The following CACNA2D4 variants were observed in gnomAD, a reference collection of about 807,000 sequenced individuals.
The protein encoded by CACNA2D4 is calcium voltage-gated channel auxiliary subunit alpha2delta 4, also known as voltage-dependent calcium channel subunit alpha-2/delta-4.
A neutral mutation model predicts 163.8 loss-of-function variants in CACNA2D4; 157 were observed. That is an observed-to-expected ratio of 0.96 (90% CI 0.84 to 1.09). CACNA2D4 has a LOEUF of 1.09. Ranked by LOEUF, CACNA2D4 falls within the 50% of genes least tolerant of loss-of-function variation. The probability of loss-of-function intolerance (pLI) is 0.00; values close to 1 mark genes in which losing one functional copy is unlikely to be tolerated. For missense variants in CACNA2D4, 1,410 were observed against 1,479.9 expected (o/e 0.95, Z 0.78); for synonymous variants, 598 against 586.9 (o/e 1.02, Z -0.27).
At position 1,918,526 on chromosome 12, in the gene CACNA2D4, C is replaced by G; in HGVS notation, c.-53G>C. The G allele has an allele frequency of 2.7e-6, 4 of 1,457,928 alleles. No homozygotes were observed. Among genetic ancestry groups the G allele is most frequent in the Non-Finnish European group, 3.7e-6 (4 of 1,072,986 alleles). The allele number at this position is 1,457,928 out of a possible 1,614,324, so 90.3% of individuals were successfully genotyped here. A position where few individuals can be genotyped will look rare whatever the true frequency, so the allele number is the denominator to read the frequency against. On this transcript the variant is annotated 5_prime_UTR_variant, in exon 1 of 38. Coordinates refer to ENST00000382722, the MANE Select transcript of CACNA2D4 (RefSeq NM_172364.5). ...CCAGGACGCCCCAGGCCTTTGTCTT[C>G]CGTGCCTTGGCGAGCCTGGGGTCTC...
rs4766424 is a variant in CACNA2D4 at position 1,844,930 on chromosome 12, C to G, written c.2343-401G>C. On this transcript the variant is annotated intron_variant, in intron 24 of 37. Coordinates refer to ENST00000382722, the MANE Select transcript of CACNA2D4 (RefSeq NM_172364.5). This position sits in a 1 kb window ranked among gnomAD's most constrained non-coding sequence, Gnocchi z 4.2. The stretch of plus-strand genomic sequence containing the variant: ...CAATCCCCCCAAATGGTTCCTTCAA[C>G]AGGATTGCCTCTAGGTTTTTGCATA... 0.9 allele frequency among the ~76,000 whole-genome samples: 136,845 copies of G among 152,224 alleles called. 61,624 individuals are homozygous for G. The highest frequency in any genetic ancestry group is 1 in the East Asian group (5,174 of 5,176).
chr12:1,813,066 A>G (rs1863761761), intron 26 of CACNA2D4, among the ~76,000 whole-genome samples: 1 of 152,114 alleles, frequency 6.6e-6, no homozygotes, highest in Non-Finnish European at 1.5e-5. Context: ...CCAGCCCTGC[A>G]TTTTCCAGGG....
Position 1,793,657 on chromosome 12 carries a change from A to C in CACNA2D4, c.3412T>G (p.Ter1138GlyextTer5), listed in dbSNP as rs1222632349. Residue 1138 changes from the stop codon to glycine, a stop_lost, in exon 38 of 38, where the codon TGA becomes GGA. Transcript: ENST00000382722. ...AWGLLPQLLR[*>G] The stretch of plus-strand genomic sequence containing the variant: ...AACACAGGTCAGGCTGGGTGGTGTC[A>C]CCGCAGGAGTTGGGGCAGTAGCCCC... 3.7e-6 allele frequency: 6 copies of C among 1,613,374 alleles called. No homozygotes were observed. The African/African-American group carries it at 4.0e-5, about 11-fold the overall frequency.
chr12:1,875,711 T>C lies in CACNA2D4; in HGVS notation c.1720-374A>G, dbSNP rs1027271550. On this transcript the variant is annotated intron_variant, in intron 16 of 37. Transcript: ENST00000382722. The surrounding 1 kb of genome is among the most constrained non-coding windows in gnomAD (Gnocchi z 4.0). ...CTTCCTTCTTTCCCCTGGAGCTGCA[T>C]AGAATGTGTTCCACCTGACAGCCCC... Among the ~76,000 whole-genome samples, 1 of 152,242 alleles carries C rather than the reference T, an allele frequency of 6.6e-6. No homozygotes were observed. The highest frequency in any genetic ancestry group is 2.4e-5 in the African/African-American group (1 of 41,458).
chr12:1,909,847 C>T, intron 4 of CACNA2D4, 59 bp downstream of exon 4: 3 of 1,484,204 alleles, frequency 2.0e-6, no homozygotes, highest in Non-Finnish European at 2.8e-6. Context: ...CCGCCACCCC[C>T]ATATCTGGTA....
chr12:1,916,424 T>C (rs1866981765), intron 1 of CACNA2D4, among the ~76,000 whole-genome samples: 1 of 152,130 alleles, frequency 6.6e-6, no homozygotes, highest in African/African-American at 2.4e-5. Context: ...GGTATGTGTC[T>C]AGTAGGTAGA....
In CACNA2D4 at chr12:1,828,074, A is replaced by G; in HGVS notation, c.2551+12665T>C. The G allele has an allele frequency of 7.2e-7, 1 of 1,385,990 alleles. No individual in the cohort carries two copies. The highest frequency in any genetic ancestry group is 9.6e-7 in the Non-Finnish European group (1 of 1,046,540). The allele number at this position is 1,385,990 out of a possible 1,614,324, so 85.9% of individuals were successfully genotyped here. ...TGTGCTCAGTGCTCCTCCCTCCCTCAGGACTGACAGGCGGCGCACCCAGGG... is the reference window on the plus strand; with the variant it reads ...TGTGCTCAGTGCTCCTCCCTCCCTCGGGACTGACAGGCGGCGCACCCAGGG... On this transcript the variant is annotated intron_variant, in intron 26 of 37. Transcript: ENST00000382722. This position sits in a 1 kb window ranked among gnomAD's most constrained non-coding sequence, Gnocchi z 4.2.
intron 26 of CACNA2D4, among the ~76,000 whole-genome samples, chr12:1,817,633 G>A (rs984979400): frequency 2.0e-4 from 31 of 152,182 alleles, no homozygotes; most frequent in African/African-American, 6.5e-4. Flanking sequence ...GCAGGCGTGC[G>A]CCGCCACGCC....
rs185468296 is a variant in CACNA2D4 at position 1,880,063 on chromosome 12, A to C, written c.1486-182T>G. On this transcript the variant is annotated intron_variant, in intron 13 of 37. Transcript: ENST00000382722. ...TCTCTGCAAAAGGAGAGTTGGCAGG[A>C]ATGCTGGGGGCCAGAAGTGGACTGG... 5.6e-4 allele frequency among the ~76,000 whole-genome samples: 85 copies of C among 152,336 alleles called. 1 individual carries two copies. Among genetic ancestry groups the C allele is most frequent in the Admixed American group, 2.4e-3 (36 of 15,312 alleles).
intron 20 of CACNA2D4, among the ~76,000 whole-genome samples, chr12:1,857,473 GT>G (rs1865425075): frequency 6.6e-6 from 1 of 152,224 alleles, no homozygotes; most frequent in Non-Finnish European, 1.5e-5. Context: ...GGAAGCTACT[GT>G]GGTTGTCCAC....
At chr12:1,805,049 G>A (rs939610870) in intron 29 of CACNA2D4, among the ~76,000 whole-genome samples, 7 of 152,172 alleles carry the variant, frequency 4.6e-5, no homozygotes, top group Non-Finnish European at 1.0e-4. Context: ...ACCGCCCGTG[G>A]AGTGGCACCC....
In CACNA2D4 at chr12:1,868,486, C is replaced by T. The variant is rs1389996627; in HGVS notation, c.1878+6118G>A. ...CGGTGGGAGGTGGGGAATGAGAAAACGTTGGTCAAAAGGTACCATGTTGTG... is the reference window on the plus strand; with the variant it reads ...CGGTGGGAGGTGGGGAATGAGAAAATGTTGGTCAAAAGGTACCATGTTGTG... On this transcript the variant is annotated intron_variant, in intron 18 of 37. Transcript: ENST00000382722. Among the ~76,000 whole-genome samples, 4 of 150,866 alleles carry T rather than the reference C, an allele frequency of 2.7e-5. No homozygotes were observed. In the South Asian group the frequency reaches 6.3e-4, roughly 24 times the overall value.
chr12:1,796,826 G>A (rs1431786077), intron 35 of CACNA2D4, among the ~76,000 whole-genome samples: 1 of 152,194 alleles, frequency 6.6e-6, no homozygotes, highest in Admixed American at 6.5e-5. Context: ...TGGGTGCGGG[G>A]GGTCAGCAGG....
At position 1,890,568 on chromosome 12, in the gene CACNA2D4, G is replaced by A. The variant is rs7971879; in HGVS notation, c.782-3499C>T. 7.1e-3 allele frequency among the ~76,000 whole-genome samples: 1,084 copies of A among 152,294 alleles called. 17 individuals are homozygous for A. Among genetic ancestry groups the A allele is most frequent in the African/African-American group, 0.024 (1,008 of 41,564 alleles). The stretch of plus-strand genomic sequence containing the variant: ...CAAGTGAAGCAAGCATTCGCCAGCC[G>A]CCTGCATCTGGCTGCTGCCACTGAA... On this transcript the variant is annotated intron_variant, in intron 6 of 37. Coordinates refer to ENST00000382722, the MANE Select transcript of CACNA2D4 (RefSeq NM_172364.5).
At position 1,844,957 on chromosome 12, in the gene CACNA2D4, A is replaced by G. The variant is rs368204392; in HGVS notation, c.2343-428T>C. On this transcript the variant is annotated intron_variant, in intron 24 of 37. Transcript: ENST00000382722. This position sits in a 1 kb window ranked among gnomAD's most constrained non-coding sequence, Gnocchi z 4.2. Reference sequence around the variant, plus strand: ...GGATTGCCTCTAGGTTTTTGCATACATTATGAGTTTCCTTTTTTTGAGCAG... The same window carrying G: ...GGATTGCCTCTAGGTTTTTGCATACGTTATGAGTTTCCTTTTTTTGAGCAG... Among the ~76,000 whole-genome samples, 15 of 151,782 alleles carry G rather than the reference A, an allele frequency of 9.9e-5. No individual in the cohort carries two copies. The highest frequency in any genetic ancestry group is 3.6e-4 in the African/African-American group (15 of 41,320).
rs1196561856 is a variant in CACNA2D4 at position 1,869,458 on chromosome 12, ACTGGCTCCGT to A, written c.1878+5136_1878+5145del. Among the ~76,000 whole-genome samples the A allele has an allele frequency of 2.0e-5, 3 of 152,238 alleles. No individual in the cohort carries two copies. Among genetic ancestry groups the A allele is most frequent in the African/African-American group, 7.2e-5 (3 of 41,470 alleles). On this transcript the variant is annotated intron_variant, in intron 18 of 37. Transcript: ENST00000382722. The surrounding 1 kb of genome is among the most constrained non-coding windows in gnomAD (Gnocchi z 4.7). ...GAGGATGCAGCTCCTCATGGAAGGC[ACTGGCTCCGT>A]CTGCGGGTCATCTGCCATCCTGATG...
At chr12:1,800,542 C>T in intron 31 of CACNA2D4, 104 bp from the exon 32 acceptor site, 1 of 1,181,108 alleles carries the variant, frequency 8.5e-7, no homozygotes, top group Non-Finnish European at 1.2e-6. Flanking sequence ...AGTGGGCTGC[C>T]CTGCCACTGG....
At position 1,828,606 on chromosome 12, in the gene CACNA2D4, C is replaced by A. The variant is rs1864470850; in HGVS notation, c.2551+12133G>T. 6.6e-6 allele frequency among the ~76,000 whole-genome samples: 1 copy of A among 152,212 alleles called. No individual in the cohort carries two copies. The highest frequency in any genetic ancestry group is 1.5e-5 in the Non-Finnish European group (1 of 68,040). On this transcript the variant is annotated intron_variant, in intron 26 of 37. Coordinates refer to ENST00000382722, the MANE Select transcript of CACNA2D4 (RefSeq NM_172364.5). This position sits in a 1 kb window ranked among gnomAD's most constrained non-coding sequence, Gnocchi z 4.2. ...GCCTGTGTCACAGACTGCGGCGAGC[C>A]CTTTTGCTCCCGTGGGGAACTGCCC...
chr12:1,861,908 C>T (rs1196010442), intron 18 of CACNA2D4, among the ~76,000 whole-genome samples: 1 of 152,226 alleles, frequency 6.6e-6, no homozygotes, highest in East Asian at 1.9e-4. Flanking sequence ...CATCCCACTC[C>T]TTCACAGGCA....
Sources: gnomAD v4.1 joint callset for allele counts (sites outside exome capture counted in the v4.1 genomes callset) on GRCh38, gnomAD v4.1.1 for gene constraint, Gnocchi (gnomAD v3.1) non-coding constraint, MANE v1.5 for transcripts, NCBI Gene and HGNC (gene_info 2026-07-23, HGNC 2026-07-21) for gene names.